The following MME variants were observed in gnomAD, a reference collection of about 807,000 sequenced individuals.
MME encodes neprilysin.
MME carries 98 observed loss-of-function variants against 113.2 expected under a neutral mutation model. The observed-to-expected ratio is 0.87, with a 90% CI of 0.74 to 1.02. MME has a LOEUF of 1.02. Among genes scored for constraint, MME ranks in the 50% least tolerant of loss-of-function variants. The pLI is 0.00. For synonymous variants in MME, 292 were observed against 300.6 expected, an observed-to-expected ratio of 0.97 and a Z score of 0.30; for missense variants, 836 against 896.0, an observed-to-expected ratio of 0.93 and a Z score of 0.86.
chr3:155,042,920 A>ATATATATATATATATG (rs1559890083), intron 1 of MME, among the ~76,000 whole-genome samples: 311 of 59,750 alleles, frequency 5.2e-3, no homozygotes, highest in Non-Finnish European at 8.5e-3. Context: ...ATATATATAT[A>ATATATATATATATATG]TATATATATA....
At chr3:155,064,704 T>A (rs1473537906) in intron 1 of MME, among the ~76,000 whole-genome samples, 3 of 152,230 alleles carry the variant, frequency 2.0e-5, no homozygotes, top group Admixed American at 6.5e-5. Flanking sequence ...AGATATGTTC[T>A]TAATTTTCCA....
intron 8 of MME, among the ~76,000 whole-genome samples, chr3:155,130,784 C>A (rs995123654): frequency 6.6e-6 from 1 of 152,102 alleles, no homozygotes; most frequent in Admixed American, 6.5e-5. Flanking sequence ...CTGTTCAGGA[C>A]TTGAGCTAAG....
At chr3:155,156,327 G>T (rs1357593219) in intron 16 of MME, among the ~76,000 whole-genome samples, 1 of 152,088 alleles carries the variant, frequency 6.6e-6, no homozygotes, top group African/African-American at 2.4e-5. Context: ...CATAACTTAG[G>T]TGCTCATTAA....
At chr3:155,131,540 T>G (rs1417361152) in intron 8 of MME, among the ~76,000 whole-genome samples, 1 of 152,128 alleles carries the variant, frequency 6.6e-6, no homozygotes, top group Non-Finnish European at 1.5e-5. Context: ...AGAGAATTTT[T>G]GAGATCAACT....
intron 1 of MME, among the ~76,000 whole-genome samples, chr3:155,027,005 A>G (rs1712808277): frequency 1.3e-5 from 2 of 152,216 alleles, no homozygotes; most frequent in Non-Finnish European, 2.9e-5. Context: ...ATTACCCAAT[A>G]GATCTATTTA....
At chr3:155,157,897 A>G (rs141359017) in intron 16 of MME, among the ~76,000 whole-genome samples, 174 of 152,288 alleles carry the variant, frequency 1.1e-3, no homozygotes, top group African/African-American at 3.9e-3. Flanking sequence ...CACAGTGGAC[A>G]TTTTAATATG....
At chr3:155,109,211 TG>T (rs3836438) in intron 3 of MME, among the ~76,000 whole-genome samples, 105,909 of 151,856 alleles carry the variant, frequency 0.7, 37,472 homozygotes, top group Middle Eastern at 0.82. Flanking sequence ...GAGGAGGCCA[TG>T]GGGGGTGAAA....
At chr3:155,062,716 A>G (rs1165502340) in intron 1 of MME, among the ~76,000 whole-genome samples, 4 of 152,140 alleles carry the variant, frequency 2.6e-5, no homozygotes, top group Admixed American at 2.6e-4. Context: ...TCTGAGACAT[A>G]AAAGACAAGC....
intron 18 of MME, 105 bp from the exon 19 acceptor site, chr3:155,168,387 T>G: frequency 9.9e-7 from 1 of 1,006,940 alleles, no homozygotes; most frequent in Non-Finnish European, 1.5e-6. Context: ...CCTAATTTAA[T>G]GTTCTGTCAC....
chr3:155,167,065 A>T (rs961820613), intron 18 of MME, 44 bp downstream of exon 18: 6 of 1,608,316 alleles, frequency 3.7e-6, no homozygotes, highest in Admixed American at 1.7e-5. Context: ...GTATATGCTC[A>T]TAAATTTGAT....
At chr3:155,086,602 G>A (rs1187008566) in intron 3 of MME, among the ~76,000 whole-genome samples, 1 of 152,186 alleles carries the variant, frequency 6.6e-6, no homozygotes, top group African/African-American at 2.4e-5. Context: ...CCATCAATTG[G>A]AGTGTGGTGA....
At chr3:155,154,626 A>G (rs1226055941) in intron 16 of MME, among the ~76,000 whole-genome samples, 1 of 152,186 alleles carries the variant, frequency 6.6e-6, no homozygotes, top group Admixed American at 6.5e-5. Flanking sequence ...AGTGGCAGAG[A>G]AGTACCTCGC....
intron 1 of MME, among the ~76,000 whole-genome samples, chr3:155,026,820 CATAA>C (rs1712802574): frequency 6.6e-6 from 1 of 152,110 alleles, no homozygotes; most frequent in Non-Finnish European, 1.5e-5. Flanking sequence ...TGTGATTCTT[CATAA>C]ATAAAGCTGT....
At chr3:155,162,387 A>T (rs1236580925) in intron 17 of MME, among the ~76,000 whole-genome samples, 1 of 152,200 alleles carries the variant, frequency 6.6e-6, no homozygotes, top group Non-Finnish European at 1.5e-5. Context: ...AGCACACAGA[A>T]AAAGGAAAAA....
At chr3:155,115,498 G>A (rs925785783) in intron 4 of MME, among the ~76,000 whole-genome samples, 1 of 152,050 alleles carries the variant, frequency 6.6e-6, no homozygotes, top group South Asian at 2.1e-4. Context: ...GTGCTATCTC[G>A]GCTCACTGCA....
At chr3:155,052,511 G>A (rs1389915258) in intron 1 of MME, among the ~76,000 whole-genome samples, 3 of 152,224 alleles carry the variant, frequency 2.0e-5, no homozygotes, top group African/African-American at 7.2e-5. Context: ...AGCTGCCAAG[G>A]CTTGGGGCTT....
At chr3:155,049,673 A>ATC (rs1713690842) in intron 1 of MME, among the ~76,000 whole-genome samples, 2 of 150,914 alleles carry the variant, frequency 1.3e-5, no homozygotes, top group African/African-American at 2.4e-5. Flanking sequence ...CTATCTATCT[A>ATC]TATATAGAGA....
intron 9 of MME, among the ~76,000 whole-genome samples, chr3:155,138,494 G>A (rs1333388983): frequency 6.6e-6 from 1 of 152,116 alleles, no homozygotes; most frequent in Non-Finnish European, 1.5e-5. Flanking sequence ...TTTTATAAGT[G>A]GATTCCATCA....
At chr3:155,035,822 G>T (rs1272080951) in intron 1 of MME, among the ~76,000 whole-genome samples, 1 of 152,176 alleles carries the variant, frequency 6.6e-6, no homozygotes, top group Non-Finnish European at 1.5e-5. Context: ...TAAGAGAGGT[G>T]TCTCTTATTT....
Sources: allele counts gnomAD v4.1 joint callset (sites outside exome capture counted in the v4.1 genomes callset), GRCh38; gene constraint gnomAD v4.1.1; transcripts MANE v1.5; gene names NCBI Gene and HGNC (gene_info 2026-07-23, HGNC 2026-07-21).